The following PRKAA2 variants were observed in gnomAD, a reference collection of about 807,000 sequenced individuals.
PRKAA2 encodes the protein 5'-AMP-activated protein kinase catalytic subunit alpha-2.
Under a neutral mutation model 56.3 loss-of-function variants are expected in PRKAA2, and 40 were observed. The ratio of observed to expected loss-of-function variants is 0.71; its 90% CI spans 0.55 to 0.92. The LOEUF (loss-of-function observed/expected upper bound fraction) is 0.92. Among genes scored for constraint, PRKAA2 ranks in the 40% least tolerant of loss-of-function variants. The pLI is 0.00. For missense variants in PRKAA2, 542 were observed against 686.9 expected (o/e 0.79, Z 2.36); for synonymous variants, 214 against 234.2 (o/e 0.91, Z 0.79).
chr1:56,650,468 G>A (rs1646678263), intron 1 of PRKAA2, among the ~76,000 whole-genome samples: 1 of 152,206 alleles, frequency 6.6e-6, no homozygotes, highest in Non-Finnish European at 1.5e-5. Context: ...AATTAGACTT[G>A]TTCATTTCTT....
Position 56,714,662 on chromosome 1 carries a change from A to G in PRKAA2, c.*6949A>G, listed in dbSNP as rs1217234884. The G allele has an allele frequency of 6.6e-6, 1 of 152,192 alleles. No individual in the cohort carries two copies. Among genetic ancestry groups the G allele is most frequent in the Admixed American group, 6.5e-5 (1 of 15,270 alleles). The allele number at this position is 152,192 out of a possible 1,614,324, so 9.4% of individuals were successfully genotyped here. ...ACTGTTCACAAATATCTGTGGTTGT[A>G]CAATGTTTTGAACATTTAATGTAAA... is the stretch of plus-strand genomic sequence containing the variant. On this transcript the variant is annotated 3_prime_UTR_variant, in exon 9 of 9. Coordinates refer to ENST00000371244, the MANE Select transcript of PRKAA2 (RefSeq NM_006252.4).
chr1:56,710,027 A>G lies in PRKAA2; in HGVS notation c.*2314A>G, dbSNP rs56384619. On this transcript the variant is annotated 3_prime_UTR_variant, in exon 9 of 9. Transcript: ENST00000371244. Reference sequence around the variant, plus strand: ...ATTTCAGGAGATGCAGTCCAGCACAATTAGAGCTGGAACATTGTTACAGCA... The same window carrying G: ...ATTTCAGGAGATGCAGTCCAGCACAGTTAGAGCTGGAACATTGTTACAGCA... 1.3e-5 allele frequency: 2 copies of G among 152,188 alleles called. No homozygotes were observed. The highest frequency in any genetic ancestry group is 2.1e-4 in the South Asian group (1 of 4,820). The allele number at this position is 152,188 out of a possible 1,614,324, so 9.4% of individuals were successfully genotyped here.
In PRKAA2 at chr1:56,708,992, C is replaced by G. The variant is rs1644351881; in HGVS notation, c.*1279C>G. The G allele has an allele frequency of 6.6e-6, 1 of 151,852 alleles. No homozygotes were observed. The highest frequency in any genetic ancestry group is 1.5e-5 in the Non-Finnish European group (1 of 67,974). The allele number at this position is 151,852 out of a possible 1,614,324, so 9.4% of individuals were successfully genotyped here. A position where few individuals can be genotyped will look rare whatever the true frequency, so the allele number is the denominator to read the frequency against. On this transcript the variant is annotated 3_prime_UTR_variant, in exon 9 of 9. Transcript: ENST00000371244. ...TTCTTTAAGATTAAAAAAACACAAACTATAGCAGGGTAGATAATAGTTTAT... is the reference window on the plus strand; with the variant it reads ...TTCTTTAAGATTAAAAAAACACAAAGTATAGCAGGGTAGATAATAGTTTAT...
chr1:56,652,172 C>T (rs534477896), intron 1 of PRKAA2, among the ~76,000 whole-genome samples: 19 of 151,534 alleles, frequency 1.3e-4, no homozygotes, highest in African/African-American at 4.4e-4. Flanking sequence ...ACCACCACGC[C>T]CTGCTAATTT....
chr1:56,645,469 G>A lies in PRKAA2; in HGVS notation c.82G>A (p.Gly28Ser). The change falls in exon 1 of 9, where the codon GGC (glycine) becomes AGC (serine). Residue 28 changes from glycine (G) to serine (S), a missense_variant. By Grantham distance (56) the Gly-to-Ser change is moderately conservative. Around this residue, in one of 5 missense-constraint regions of PRKAA2, gnomAD observed 59 missense variants for 53.9 expected, o/e 1.09. Coordinates refer to ENST00000371244, the MANE Select transcript of PRKAA2 (RefSeq NM_006252.4). ...CGACACGCTGGGCGTCGGCACCTTCGGCAAAGTGAAGAGTTGAGTACGCGC... is the reference window on the plus strand; with the variant it reads ...CGACACGCTGGGCGTCGGCACCTTCAGCAAAGTGAAGAGTTGAGTACGCGC... ...LGDTLGVGTFGKVKIGEHQLT... is the reference protein window; with the variant it reads ...LGDTLGVGTFSKVKIGEHQLT... 1 of 1,497,118 alleles carries A rather than the reference G, an allele frequency of 6.7e-7. No individual in the cohort carries two copies. Among genetic ancestry groups the A allele is most frequent in the Non-Finnish European group, 9.0e-7 (1 of 1,116,272 alleles). 92.7% of individuals were successfully genotyped at this position (1,497,118 alleles called of 1,614,324 possible).
chr1:56,685,467 T>C (rs1644184479), intron 2 of PRKAA2, among the ~76,000 whole-genome samples: 1 of 152,152 alleles, frequency 6.6e-6, no homozygotes, highest in Admixed American at 6.5e-5. Flanking sequence ...ATTCATTCAT[T>C]ACTAGACTAT....
chr1:56,677,066 A>G (rs894919340), intron 2 of PRKAA2, among the ~76,000 whole-genome samples: 9 of 152,220 alleles, frequency 5.9e-5, no homozygotes, highest in African/African-American at 9.6e-5. Context: ...AAAGATTGTC[A>G]TAAGAATTAA....
intron 1 of PRKAA2, among the ~76,000 whole-genome samples, chr1:56,656,700 G>T (rs934969975): frequency 2.0e-4 from 30 of 152,288 alleles, no homozygotes; most frequent in African/African-American, 7.2e-4. Flanking sequence ...ACTGATACGG[G>T]CTTCCCAACT....
At chr1:56,696,257 C>G in intron 6 of PRKAA2, 98 bp downstream of exon 6, 1 of 1,115,608 alleles carries the variant, frequency 9.0e-7, no homozygotes, top group Non-Finnish European at 1.3e-6. Flanking sequence ...GCCCTCACCA[C>G]CTCACCCCAG....
intron 2 of PRKAA2, among the ~76,000 whole-genome samples, chr1:56,689,702 A>G (rs1644214219): frequency 6.6e-6 from 1 of 152,208 alleles, no homozygotes; most frequent in South Asian, 2.1e-4. Context: ...CCTGAGTGGC[A>G]GAGCAAGACT....
rs980034114 is a variant in PRKAA2 at position 56,664,450 on chromosome 1, T to G, written c.95-9931T>G. On this transcript the variant is annotated intron_variant, in intron 1 of 8. Coordinates refer to ENST00000371244, the MANE Select transcript of PRKAA2 (RefSeq NM_006252.4). ...ATGAATTTTTTGAATTTTTTAAATATTTTTCTTTTTAGTTCAGATGTTGTT... is the reference window on the plus strand; with the variant it reads ...ATGAATTTTTTGAATTTTTTAAATAGTTTTCTTTTTAGTTCAGATGTTGTT... 4.8e-5 allele frequency among the ~76,000 whole-genome samples: 7 copies of G among 146,500 alleles called. No individual in the cohort carries two copies. In the East Asian group the frequency reaches 1.3e-3, roughly 27 times the overall value.
At chr1:56,682,301 A>C (rs1004028693) in intron 2 of PRKAA2, among the ~76,000 whole-genome samples, 2 of 152,170 alleles carry the variant, frequency 1.3e-5, no homozygotes, top group African/African-American at 4.8e-5. Flanking sequence ...TGGTGCTGTC[A>C]CAGAGTGTGA....
chr1:56,706,113 C>T lies in PRKAA2; in HGVS notation c.1315C>T (p.Arg439Cys), dbSNP rs1417490638. The T allele has an allele frequency of 3.1e-6, 5 of 1,610,516 alleles. No homozygotes were observed. The highest frequency in any genetic ancestry group is 1.7e-5 in the Admixed American group (1 of 59,956). ...EWKVVNAYHL[R>C]VRRKNPVTGN... ...TTAGGTAGTGAATGCATACCATCTT[C>T]GTGTAAGAAGAAAAAATCCAGTGAC... The change falls in exon 8 of 9, where the codon CGT becomes TGT. Residue 439 changes from arginine (R) to cysteine (C), a missense_variant. By Grantham distance (180) the Arg-to-Cys change is radical (BLOSUM62 -3). Around this residue, in one of 5 missense-constraint regions of PRKAA2, gnomAD observed 158 missense variants for 166.1 expected, o/e 0.95. Transcript: ENST00000371244.
At chr1:56,648,594 C>T (rs760115708) in intron 1 of PRKAA2, among the ~76,000 whole-genome samples, 5 of 152,108 alleles carry the variant, frequency 3.3e-5, no homozygotes, top group Admixed American at 1.3e-4. Context: ...TGGGTCATAT[C>T]GTAGTTTTAT....
chr1:56,668,270 G>A (rs1438480460), intron 1 of PRKAA2, among the ~76,000 whole-genome samples: 1 of 143,084 alleles, frequency 7.0e-6, no homozygotes. Flanking sequence ...GTTGTGGGGT[G>A]GGGGGAGGGG....
At position 56,712,657 on chromosome 1, in the gene PRKAA2, G is replaced by A. The variant is rs989756690; in HGVS notation, c.*4944G>A. ...ACCCGAGTTCAGGAGTTCGAGACCA[G>A]TCTGGCCAACATGGTGAAACCTCGT... On this transcript the variant is annotated 3_prime_UTR_variant, in exon 9 of 9. Coordinates refer to ENST00000371244, the MANE Select transcript of PRKAA2 (RefSeq NM_006252.4). 3.3e-5 allele frequency: 5 copies of A among 152,126 alleles called. No individual in the cohort carries two copies. The highest frequency in any genetic ancestry group is 1.2e-4 in the African/African-American group (5 of 41,412). The allele number at this position is 152,126 out of a possible 1,614,324, so 9.4% of individuals were successfully genotyped here.
At chr1:56,683,318 T>A (rs754330486) in intron 2 of PRKAA2, among the ~76,000 whole-genome samples, 1 of 152,090 alleles carries the variant, frequency 6.6e-6, no homozygotes, top group Non-Finnish European at 1.5e-5. Context: ...GTAGTAGGTA[T>A]TCAATAATTA....
intron 1 of PRKAA2, among the ~76,000 whole-genome samples, chr1:56,672,753 G>A (rs1218370291): frequency 6.6e-6 from 1 of 152,060 alleles, no homozygotes; most frequent in East Asian, 1.9e-4. Flanking sequence ...TTAATTAATG[G>A]GTATTTTGTG....
At chr1:56,673,857 AAGAGAT>A (rs1644094604) in intron 1 of PRKAA2, among the ~76,000 whole-genome samples, 1 of 152,196 alleles carries the variant, frequency 6.6e-6, no homozygotes, top group Non-Finnish European at 1.5e-5. Context: ...AACAGTTTGA[AAGAGAT>A]AGAGATTCCA....
Sources: gnomAD v4.1 joint callset for allele counts (sites outside exome capture counted in the v4.1 genomes callset) on GRCh38, gnomAD v4.1.1 for gene constraint, gnomAD v4.1.1 regional missense constraint, MANE v1.5 for transcripts, NCBI Gene and HGNC (gene_info 2026-07-23, HGNC 2026-07-21) for gene names.